STX1A: variants seen among roughly 807,000 people sequenced by gnomAD.
STX1A encodes the protein syntaxin-1A.
In STX1A, 4 loss-of-function variants were observed where a neutral mutation model predicts 37.8. The ratio of observed to expected loss-of-function variants is 0.11; its 90% CI spans 0.05 to 0.24. The LOEUF is 0.24. STX1A is among the 10% of genes least tolerant of loss of function. STX1A has a pLI of 1.00. For missense variants in STX1A, 251 were observed against 399.9 expected (o/e 0.63, Z 3.18); for synonymous variants, 135 against 147.4 (o/e 0.92, Z 0.61).
chr7:73,699,423 C>T lies in STX1A; in HGVS notation c.*984G>A, dbSNP rs1798566375. 1 of 152,632 alleles carries T rather than the reference C, an allele frequency of 6.6e-6. No individual in the cohort carries two copies. Among genetic ancestry groups the T allele is most frequent in the African/African-American group, 2.4e-5 (1 of 41,440 alleles). The allele number at this position is 152,632 out of a possible 1,614,324, so 9.5% of individuals were successfully genotyped here. ...CATGCACTCGCATGCATCTCCCTGC[C>T]TGTCCACAAGGGAGAGGGTCCTGGG... On this transcript the variant is annotated 3_prime_UTR_variant, in exon 10 of 10. Transcript: ENST00000222812.
Position 73,700,111 on chromosome 7 carries a change from G to A in STX1A, c.*296C>T, listed in dbSNP as rs1584236554. On this transcript the variant is annotated 3_prime_UTR_variant, in exon 10 of 10. Coordinates refer to ENST00000222812, the MANE Select transcript of STX1A (RefSeq NM_004603.4). The surrounding 1 kb of genome is among the most constrained non-coding windows in gnomAD (Gnocchi z 4.4). ...ACCGAGTTACTGAAGGCAAGGAAGG[G>A]TGGCCTGTGTCACCCTGGCGGCCCT... is the stretch of plus-strand genomic sequence containing the variant. The A allele has an allele frequency of 1.2e-5, 6 of 491,382 alleles. No individual in the cohort carries two copies. The highest frequency in any genetic ancestry group is 9.5e-5 in the South Asian group (4 of 42,274). 30.4% of individuals were successfully genotyped at this position (491,382 alleles called of 1,614,324 possible).
chr7:73,703,909 C>A, intron 6 of STX1A, 81 bp from the exon 7 acceptor site: 1 of 1,480,578 alleles, frequency 6.8e-7, no homozygotes, highest in East Asian at 2.4e-5. Context: ...CCCTCCGTCC[C>A]AGGCCCGGGC....
At chr7:73,712,293 C>T (rs1303050909) in intron 1 of STX1A, among the ~76,000 whole-genome samples, 4 of 152,002 alleles carry the variant, frequency 2.6e-5, no homozygotes, top group Non-Finnish European at 5.9e-5. Flanking sequence ...GCTCTTTATC[C>T]TGCTGCCCTC....
chr7:73,710,496 GCTCAC>G (rs1202551399), intron 1 of STX1A, among the ~76,000 whole-genome samples: 1 of 151,702 alleles, frequency 6.6e-6, no homozygotes, highest in African/African-American at 2.4e-5. Context: ...TGTGATCTTG[GCTCAC>G]TGCAACCTCC....
chr7:73,708,797 GC>G, intron 2 of STX1A, 109 bp from the exon 3 acceptor site: 1 of 1,221,830 alleles, frequency 8.2e-7, no homozygotes. Context: ...GGGAGGACGG[GC>G]CAGGCTCCGG....
intron 7 of STX1A, among the ~76,000 whole-genome samples, chr7:73,703,224 G>A (rs2116732320): frequency 6.6e-6 from 1 of 152,266 alleles, no homozygotes; most frequent in Admixed American, 6.5e-5. Flanking sequence ...ACCTGTGCTG[G>A]CCACAGAGCG....
rs782096444 is a variant in STX1A, at chr7:73,705,117, C to T, written c.283+33G>A. On this transcript the variant is annotated intron_variant, in intron 4 of 9. Transcript: ENST00000222812. The surrounding 1 kb of genome is among the most constrained non-coding windows in gnomAD (Gnocchi z 5.2). ...CCGCAGAGGAAGCAGGCCTAGAATG[C>T]CCCCCACCCACCCCCAGACAAGCCT... 12 of 1,594,560 alleles carry T rather than the reference C, an allele frequency of 7.5e-6. No individual in the cohort carries two copies. The highest frequency in any genetic ancestry group is 1.7e-4 in the Middle Eastern group (1 of 6,016).
At position 73,706,921 on chromosome 7, in the gene STX1A, C is replaced by T. The variant is rs1256599941; in HGVS notation, c.208+1668G>A. On this transcript the variant is annotated intron_variant, in intron 3 of 9. Transcript: ENST00000222812. The surrounding 1 kb of genome is among the most constrained non-coding windows in gnomAD (Gnocchi z 4.6). The stretch of plus-strand genomic sequence containing the variant: ...CTCCTGCCCTTCCTGAGGCAGTCCA[C>T]CCTGCTCCCACCTGACCCATTTTGC... 6.6e-6 allele frequency among the ~76,000 whole-genome samples: 1 copy of T among 152,216 alleles called. No individual in the cohort carries two copies. The highest frequency in any genetic ancestry group is 1.5e-5 in the Non-Finnish European group (1 of 68,042).
In STX1A at chr7:73,706,730, C is replaced by T. The variant is rs1023454778; in HGVS notation, c.209-1506G>A. On this transcript the variant is annotated intron_variant, in intron 3 of 9. Transcript: ENST00000222812. The surrounding 1 kb of genome is among the most constrained non-coding windows in gnomAD (Gnocchi z 4.6). ...CCCTGCTCTTTAGAGCCCTCCGTCCCCACCCCACAATCAGCCACCTCCTGA... is the reference window on the plus strand; with the variant it reads ...CCCTGCTCTTTAGAGCCCTCCGTCCTCACCCCACAATCAGCCACCTCCTGA... Among the ~76,000 whole-genome samples, 2 of 152,122 alleles carry T rather than the reference C, an allele frequency of 1.3e-5. No homozygotes were observed. The highest frequency in any genetic ancestry group is 4.8e-5 in the African/African-American group (2 of 41,432).
chr7:73,704,574 G>A, intron 4 of STX1A, 151 bp from the exon 5 acceptor site: 1 of 919,396 alleles, frequency 1.1e-6, no homozygotes, highest in Non-Finnish European at 1.7e-6. Context: ...CGATGGAGGA[G>A]GGGCCTACAG....
rs1554616447 is a variant in STX1A at position 73,704,269 on chromosome 7, G to T, written c.358-13C>A. 2.5e-6 allele frequency: 4 copies of T among 1,613,926 alleles called. No individual in the cohort carries two copies. In the African/African-American group the frequency reaches 5.3e-5, roughly 22 times the overall value. On this transcript the variant is annotated splice_polypyrimidine_tract_variant and intron_variant, in intron 5 of 9. Coordinates refer to ENST00000222812, the MANE Select transcript of STX1A (RefSeq NM_004603.4). ...ACAGCGTGGAGTGCTGGGGGCCCGA[G>T]ATGGAGGTGCAGGGGTCAGGCCCTG...
In STX1A at chr7:73,706,860, A is replaced by G. The variant is rs1554617084; in HGVS notation, c.209-1636T>C. 6.6e-6 allele frequency among the ~76,000 whole-genome samples: 1 copy of G among 152,160 alleles called. No individual in the cohort carries two copies. Among genetic ancestry groups the G allele is most frequent in the African/African-American group, 2.4e-5 (1 of 41,444 alleles). On this transcript the variant is annotated intron_variant, in intron 3 of 9. Coordinates refer to ENST00000222812, the MANE Select transcript of STX1A (RefSeq NM_004603.4). This position sits in a 1 kb window ranked among gnomAD's most constrained non-coding sequence, Gnocchi z 4.6. ...CATCCAACAAATCTCTCAGGCAAGG[A>G]GCTCAGCGTGGTGAGCCCTGGGCGT...
In STX1A at chr7:73,700,902, G is replaced by A. The variant is rs781805829; in HGVS notation, c.679-62C>T. On this transcript the variant is annotated intron_variant, in intron 8 of 9. Coordinates refer to ENST00000222812, the MANE Select transcript of STX1A (RefSeq NM_004603.4). This position sits in a 1 kb window ranked among gnomAD's most constrained non-coding sequence, Gnocchi z 4.4. ...CCTCCTCAGGGTTGGGTTGGGGCTC[G>A]GGGCAGGACTTCAGGAAAGCACCCT... is the stretch of plus-strand genomic sequence containing the variant. 18 of 1,601,512 alleles carry A rather than the reference G, an allele frequency of 1.1e-5. 1 individual carries two copies. Among genetic ancestry groups the A allele is most frequent in the Middle Eastern group, 1.6e-4 (1 of 6,074 alleles).
chr7:73,718,642 G>C (rs1554619085), intron 1 of STX1A, among the ~76,000 whole-genome samples: 1 of 151,914 alleles, frequency 6.6e-6, no homozygotes, highest in African/African-American at 2.4e-5. Flanking sequence ...CACCCAGAGA[G>C]GCTTCATTTC....
chr7:73,713,837 C>T (rs1463584554), intron 1 of STX1A, among the ~76,000 whole-genome samples: 1 of 152,196 alleles, frequency 6.6e-6, no homozygotes, highest in African/African-American at 2.4e-5. Context: ...GGAGAGGGGG[C>T]TGGATTGGAG....
chr7:73,717,753 G>A lies in STX1A; in HGVS notation c.30+1849C>T, dbSNP rs1288940550. Among the ~76,000 whole-genome samples, 1 of 152,148 alleles carries A rather than the reference G, an allele frequency of 6.6e-6. No individual in the cohort carries two copies. Among genetic ancestry groups the A allele is most frequent in the Non-Finnish European group, 1.5e-5 (1 of 68,014 alleles). On this transcript the variant is annotated intron_variant, in intron 1 of 9. Transcript: ENST00000222812. The surrounding 1 kb of genome is among the most constrained non-coding windows in gnomAD (Gnocchi z 4.1). The stretch of plus-strand genomic sequence containing the variant: ...AAGCCTGGCTTCACCATCTAATCAG[G>A]GGGCGAGGAGGTAGTAACAGAGACA...
Position 73,700,972 on chromosome 7 carries a change from T to C in STX1A, c.679-132A>G. 2 of 1,507,916 alleles carry C rather than the reference T, an allele frequency of 1.3e-6. No individual in the cohort carries two copies. The highest frequency in any genetic ancestry group is 1.8e-6 in the Non-Finnish European group (2 of 1,128,444). 93.4% of individuals were successfully genotyped at this position (1,507,916 alleles called of 1,614,324 possible). ...GGGCGTGAGGAGGTTAGGGTACAGC[T>C]TCTCACCTGGGCCAGGTACCCTGGG... On this transcript the variant is annotated intron_variant, in intron 8 of 9. Coordinates refer to ENST00000222812, the MANE Select transcript of STX1A (RefSeq NM_004603.4). This position sits in a 1 kb window ranked among gnomAD's most constrained non-coding sequence, Gnocchi z 4.4.
chr7:73,712,220 G>C (rs1554618064), intron 1 of STX1A, among the ~76,000 whole-genome samples: 1 of 152,120 alleles, frequency 6.6e-6, no homozygotes, highest in Non-Finnish European at 1.5e-5. Context: ...GATGGGCGAA[G>C]TGGGCCTTTC....
Position 73,702,467 on chromosome 7 carries a change from C to A in STX1A, c.678+378G>T. Reference sequence around the variant, plus strand: ...ACCTTCGATTTGTTCTTAGGCAACTCTTTTGCCCAACAGCCATTCACTCCA... The same window carrying A: ...ACCTTCGATTTGTTCTTAGGCAACTATTTTGCCCAACAGCCATTCACTCCA... On this transcript the variant is annotated intron_variant, in intron 8 of 9. Coordinates refer to ENST00000222812, the MANE Select transcript of STX1A (RefSeq NM_004603.4). The surrounding 1 kb of genome is among the most constrained non-coding windows in gnomAD (Gnocchi z 4.7). The A allele has an allele frequency of 2.4e-6, 1 of 411,070 alleles. No individual in the cohort carries two copies. Among genetic ancestry groups the A allele is most frequent in the Non-Finnish European group, 4.3e-6 (1 of 234,788 alleles). 25.5% of individuals were successfully genotyped at this position (411,070 alleles called of 1,614,324 possible). A position where few individuals can be genotyped will look rare whatever the true frequency, so the allele number is the denominator to read the frequency against.
Sources: allele counts gnomAD v4.1 joint callset (sites outside exome capture counted in the v4.1 genomes callset), GRCh38; gene constraint gnomAD v4.1.1; non-coding constraint Gnocchi (gnomAD v3.1); transcripts MANE v1.5; gene names NCBI Gene and HGNC (gene_info 2026-07-23, HGNC 2026-07-21).